Variants in SRPK2 observed in about 807,000 individuals in gnomAD.
SRPK2 encodes the protein SRSF protein kinase 2, also known as SFRS protein kinase 2.
Under a neutral mutation model 90.8 loss-of-function variants are expected in SRPK2, and 21 were observed. The observed-to-expected ratio is 0.23, with a 90% CI of 0.16 to 0.33. SRPK2 has a LOEUF of 0.33. Ranked by LOEUF, SRPK2 falls within the 10% of genes least tolerant of loss-of-function variation. SRPK2 has a pLI of 1.00. For missense variants in SRPK2, 620 were observed against 869.0 expected (o/e 0.71, Z 3.60); for synonymous variants, 288 against 311.1 (o/e 0.93, Z 0.78).
chr7:105,146,794 C>T (rs904787314), intron 7 of SRPK2, 136 bp from the exon 8 acceptor site: 1 of 861,286 alleles, frequency 1.2e-6, no homozygotes, highest in African/African-American at 1.7e-5. Context: ...GTAAAAATCT[C>T]CCTCCCATGC....
At chr7:105,368,032 T>C (rs1819276525) in intron 2 of SRPK2, among the ~76,000 whole-genome samples, 1 of 152,178 alleles carries the variant, frequency 6.6e-6, no homozygotes, top group Non-Finnish European at 1.5e-5. Context: ...CTTAGAATCA[T>C]CTAAAGTGTA....
chr7:105,192,352 A>G (rs1162878237), intron 3 of SRPK2, among the ~76,000 whole-genome samples: 1 of 152,172 alleles, frequency 6.6e-6, no homozygotes, highest in South Asian at 2.1e-4. Context: ...AGAATAATAG[A>G]GTCTCCAATC....
intron 2 of SRPK2, among the ~76,000 whole-genome samples, chr7:105,351,201 C>A (rs898633460): frequency 1.3e-5 from 2 of 152,038 alleles, no homozygotes; most frequent in African/African-American, 4.8e-5. Context: ...GCACACTCAG[C>A]CCCCTAACCA....
chr7:105,201,809 A>C (rs889466127), intron 3 of SRPK2, among the ~76,000 whole-genome samples: 2 of 152,222 alleles, frequency 1.3e-5, no homozygotes, highest in African/African-American at 2.4e-5. Context: ...GCTCAGGCCC[A>C]GGAGGTTGAG....
At chr7:105,150,050 CA>C (rs3216266) in intron 7 of SRPK2, among the ~76,000 whole-genome samples, 8 of 137,708 alleles carry the variant, frequency 5.8e-5, no homozygotes, top group South Asian at 2.3e-4. Flanking sequence ...GGTAATTGGC[CA>C]AAAAAAAAAC....
chr7:105,264,280 G>A (rs1233459951), intron 2 of SRPK2, among the ~76,000 whole-genome samples: 1 of 151,368 alleles, frequency 6.6e-6, no homozygotes, highest in Admixed American at 6.6e-5. Flanking sequence ...TTTGCTCTCC[G>A]CATCCACACA....
At chr7:105,290,650 G>A (rs1007650857) in intron 2 of SRPK2, among the ~76,000 whole-genome samples, 2 of 152,088 alleles carry the variant, frequency 1.3e-5, no homozygotes, top group Non-Finnish European at 2.9e-5. Flanking sequence ...GGTAACACAC[G>A]CAGACTCTGT....
chr7:105,149,601 T>C (rs1374209434), intron 7 of SRPK2, among the ~76,000 whole-genome samples: 4 of 152,200 alleles, frequency 2.6e-5, no homozygotes, highest in Non-Finnish European at 2.9e-5. Context: ...TTATTTCTTT[T>C]CTCAGTCTCT....
At chr7:105,381,948 A>G (rs1363202984) in intron 2 of SRPK2, among the ~76,000 whole-genome samples, 3 of 152,060 alleles carry the variant, frequency 2.0e-5, no homozygotes, top group African/African-American at 7.2e-5. Flanking sequence ...CAGGCAGATC[A>G]TTTGAGGCCA....
intron 2 of SRPK2, among the ~76,000 whole-genome samples, chr7:105,386,442 G>C (rs560997877): frequency 6.6e-6 from 1 of 152,056 alleles, no homozygotes; most frequent in Non-Finnish European, 1.5e-5. Flanking sequence ...GGTCGGGCAC[G>C]GTGGCTCACA....
intron 2 of SRPK2, among the ~76,000 whole-genome samples, chr7:105,229,995 G>C (rs1799229082): frequency 6.6e-6 from 1 of 152,180 alleles, no homozygotes; most frequent in Non-Finnish European, 1.5e-5. Context: ...AACTGGATCT[G>C]ACATATAGGT....
At chr7:105,159,198 A>C (rs1437136125) in intron 7 of SRPK2, among the ~76,000 whole-genome samples, 1 of 151,954 alleles carries the variant, frequency 6.6e-6, no homozygotes. Context: ...CCAATTTTCC[A>C]TACAAGGCTG....
At chr7:105,284,396 G>C (rs2130880185) in intron 2 of SRPK2, among the ~76,000 whole-genome samples, 1 of 152,280 alleles carries the variant, frequency 6.6e-6, no homozygotes, top group African/African-American at 2.4e-5. Flanking sequence ...GCAGGTACTG[G>C]TAAGAAATGA....
chr7:105,373,574 T>C (rs2132492188), intron 2 of SRPK2, among the ~76,000 whole-genome samples: 1 of 152,128 alleles, frequency 6.6e-6, no homozygotes, highest in East Asian at 1.9e-4. Flanking sequence ...AGCTGATTTT[T>C]GTATTTTTAA....
intron 13 of SRPK2, 92 bp downstream of exon 13, chr7:105,132,699 G>A: frequency 9.8e-7 from 1 of 1,015,590 alleles, no homozygotes; most frequent in East Asian, 2.6e-5. Context: ...CAGAAAAACT[G>A]AGGTCGCATG....
At chr7:105,175,083 G>A (rs1266159358) in intron 3 of SRPK2, among the ~76,000 whole-genome samples, 3 of 151,644 alleles carry the variant, frequency 2.0e-5, no homozygotes, top group African/African-American at 7.3e-5. Context: ...CAGAGGTTGC[G>A]GAGTCGAGAT....
In SRPK2 at chr7:105,328,737, C is replaced by A. The variant is rs573612564; in HGVS notation, c.71+59911G>T. 6.6e-5 allele frequency among the ~76,000 whole-genome samples: 10 copies of A among 151,476 alleles called. No individual in the cohort carries two copies. In the South Asian group the frequency reaches 1.9e-3, roughly 29 times the overall value. On this transcript the variant is annotated intron_variant, in intron 2 of 15. Transcript: ENST00000393651. ...AAAATTAGCCGGGCATAGCGGCAGG[C>A]ACCTGTAGTCCCAGCTACTCAGGAG...
chr7:105,252,111 C>G (rs1802558669), intron 2 of SRPK2, among the ~76,000 whole-genome samples: 1 of 152,128 alleles, frequency 6.6e-6, no homozygotes, highest in Non-Finnish European at 1.5e-5. Context: ...TGGCAGATAA[C>G]TGAATATTTT....
chr7:105,125,274 A>C lies in SRPK2; in HGVS notation c.1915+974T>G, dbSNP rs900026994. Among the ~76,000 whole-genome samples the C allele has an allele frequency of 1.0e-3, 155 of 152,336 alleles. 1 individual carries two copies. Among genetic ancestry groups the C allele is most frequent in the African/African-American group, 3.5e-3 (146 of 41,578 alleles). On this transcript the variant is annotated intron_variant, in intron 15 of 15. Transcript: ENST00000393651. ...TTGGAAGATCAGTAAGAACTACAAC[A>C]TGAAAATAATCACCTTAATACAGTG...
Sources: gnomAD v4.1 joint callset for allele counts (sites outside exome capture counted in the v4.1 genomes callset) on GRCh38, gnomAD v4.1.1 for gene constraint, MANE v1.5 for transcripts, NCBI Gene and HGNC (gene_info 2026-07-23, HGNC 2026-07-21) for gene names.